POLR3E: variants seen among roughly 807,000 people sequenced by gnomAD.
POLR3E encodes the protein RNA polymerase III subunit E, also known as DNA-directed RNA polymerase III subunit RPC5.
Under a neutral mutation model 96.6 loss-of-function variants are expected in POLR3E, and 41 were observed. The observed-to-expected ratio is 0.42, with a 90% CI of 0.33 to 0.55. The LOEUF (loss-of-function observed/expected upper bound fraction) is 0.55, where lower values mean the gene tolerates loss of function less well. Among genes scored for constraint, POLR3E ranks in the 20% least tolerant of loss-of-function variants. The probability of loss-of-function intolerance (pLI) is 0.06; values close to 1 mark genes in which losing one functional copy is unlikely to be tolerated. For missense variants in POLR3E, 849 were observed against 952.1 expected, an observed-to-expected ratio of 0.89 and a Z score of 1.43; for synonymous variants, 396 against 383.6, an observed-to-expected ratio of 1.03 and a Z score of -0.38.
intron 20 of POLR3E, among the ~76,000 whole-genome samples, chr16:22,332,428 T>C (rs1277883974): frequency 1.3e-5 from 2 of 152,184 alleles, no homozygotes; most frequent in Non-Finnish European, 2.9e-5. Context: ...AGGGAAAGAA[T>C]ACAGCCATGG....
At chr16:22,303,076 A>G in intron 2 of POLR3E, 72 bp downstream of exon 2, 1 of 1,356,288 alleles carries the variant, frequency 7.4e-7, no homozygotes, top group Non-Finnish European at 1.1e-6. Flanking sequence ...ATGTGTCCTC[A>G]GGCCAGTCTG....
In POLR3E at chr16:22,324,671, T is replaced by C; in HGVS notation, c.1286+11T>C. 6.2e-7 allele frequency: 1 copy of C among 1,613,720 alleles called. No homozygotes were observed. Among genetic ancestry groups the C allele is most frequent in the Non-Finnish European group, 8.5e-7 (1 of 1,179,830 alleles). On this transcript the variant is annotated intron_variant, in intron 16 of 20. Coordinates refer to ENST00000299853, the MANE Select transcript of POLR3E (RefSeq NM_018119.4). ...GGGTATCCAGGCCAAGTAAGCACCCTGGGCCAGGGAGGGGCAGCCCGGTGA... is the reference window on the plus strand; with the variant it reads ...GGGTATCCAGGCCAAGTAAGCACCCCGGGCCAGGGAGGGGCAGCCCGGTGA...
Position 22,325,988 on chromosome 16 carries a change from C to G in POLR3E, c.1576C>G (p.Leu526Val). 6.3e-7 allele frequency: 1 copy of G among 1,594,542 alleles called. No homozygotes were observed. The highest frequency in any genetic ancestry group is 8.5e-7 in the Non-Finnish European group (1 of 1,169,910). The change falls in exon 18 of 21, where the codon CTC becomes GTC. Residue 526 changes from leucine to valine, a missense_variant. Leu to Val is a conservative substitution (Grantham distance 32). Coordinates refer to ENST00000299853, the MANE Select transcript of POLR3E (RefSeq NM_018119.4). ...GCCCATGGACACTTCCCCCAGCGGC[C>G]TCCACAGCAAGCTGGCCAACGGGCT... ...EEPMDTSPSG[L>V]HSKLANGLPL...
intron 13 of POLR3E, among the ~76,000 whole-genome samples, chr16:22,320,271 A>AT (rs1252980031): frequency 1.4e-3 from 207 of 149,118 alleles, no homozygotes; most frequent in East Asian, 4.5e-3. Context: ...GTGTATTTTT[A>AT]TTTTTTTTTT....
At chr16:22,298,424 A>C (rs978441572) in intron 1 of POLR3E, among the ~76,000 whole-genome samples, 1 of 152,224 alleles carries the variant, frequency 6.6e-6, no homozygotes, top group Non-Finnish European at 1.5e-5. Context: ...TACGTTTATT[A>C]GCGTCCTGTC....
At chr16:22,333,367 G>A (rs1035295874) in intron 20 of POLR3E, among the ~76,000 whole-genome samples, 2 of 150,822 alleles carry the variant, frequency 1.3e-5, no homozygotes, top group African/African-American at 2.4e-5. Context: ...CAGGAGAATC[G>A]CTTGAACCTG....
At chr16:22,306,074 C>A (rs1005734215) in intron 3 of POLR3E, among the ~76,000 whole-genome samples, 2 of 152,254 alleles carry the variant, frequency 1.3e-5, no homozygotes, top group East Asian at 1.9e-4. Flanking sequence ...CCCATTCCCA[C>A]CTCCAACCCC....
chr16:22,302,144 C>A (rs946540601), intron 1 of POLR3E, among the ~76,000 whole-genome samples: 3 of 152,026 alleles, frequency 2.0e-5, no homozygotes, highest in African/African-American at 7.3e-5. Context: ...CATGACTTGC[C>A]CAAAGCTCTC....
chr16:22,303,525 G>A (rs2048069045), intron 2 of POLR3E, among the ~76,000 whole-genome samples: 1 of 152,094 alleles, frequency 6.6e-6, no homozygotes, highest in Non-Finnish European at 1.5e-5. Flanking sequence ...TGTGCTGGGG[G>A]CTGTGACACA....
rs1237317371 is a variant in POLR3E at position 22,326,053 on chromosome 16, G to T, written c.1641G>T (p.Gly547=). The change falls in exon 18 of 21, where the codon GGG becomes GGT. Residue 547 remains glycine, a synonymous_variant. Transcript: ENST00000299853. ...GRAAGTDSFN[G]HPPQGCASTP... ...CTGCGGGCACAGACAGCTTCAACGGGCACCCGCCCCAGGGCTGCGCCAGCA... is the reference window on the plus strand; with the variant it reads ...CTGCGGGCACAGACAGCTTCAACGGTCACCCGCCCCAGGGCTGCGCCAGCA... 1 of 1,607,232 alleles carries T rather than the reference G, an allele frequency of 6.2e-7. No homozygotes were observed. Among genetic ancestry groups the T allele is most frequent in the Non-Finnish European group, 8.5e-7 (1 of 1,175,780 alleles).
At chr16:22,305,111 C>T (rs2048107134) in intron 2 of POLR3E, 45 bp from the exon 3 acceptor site, 1 of 1,523,080 alleles carries the variant, frequency 6.6e-7, no homozygotes, top group Non-Finnish European at 9.1e-7. Context: ...GGGAGGTCAG[C>T]ACTGTGTCCA....
chr16:22,325,198 T>C lies in POLR3E; in HGVS notation c.1287-7T>C. 1 of 1,610,376 alleles carries C rather than the reference T, an allele frequency of 6.2e-7. No homozygotes were observed. Among genetic ancestry groups the C allele is most frequent in the Non-Finnish European group, 8.5e-7 (1 of 1,176,644 alleles). On this transcript the variant is annotated splice_region_variant and splice_polypyrimidine_tract_variant and intron_variant, in intron 16 of 20. Transcript: ENST00000299853. ...TTTAAAGTTAATGGGGTTACTCTTCTTTTCAGACTGGAAAAAGTCTATAAT... is the reference window on the plus strand; with the variant it reads ...TTTAAAGTTAATGGGGTTACTCTTCCTTTCAGACTGGAAAAAGTCTATAAT...
At chr16:22,320,909 G>A (rs1446105048) in intron 13 of POLR3E, among the ~76,000 whole-genome samples, 4 of 152,156 alleles carry the variant, frequency 2.6e-5, no homozygotes, top group African/African-American at 9.7e-5. Flanking sequence ...TCCTTTGAAG[G>A]CAGCCTGCCT....
At chr16:22,307,062 G>C (rs770227520) in intron 3 of POLR3E, among the ~76,000 whole-genome samples, 1 of 152,162 alleles carries the variant, frequency 6.6e-6, no homozygotes, top group Non-Finnish European at 1.5e-5. Flanking sequence ...AGTGACCCCC[G>C]TGTGTCCAGA....
intron 20 of POLR3E, among the ~76,000 whole-genome samples, chr16:22,333,139 C>T (rs2048778085): frequency 6.7e-6 from 1 of 149,460 alleles, no homozygotes; most frequent in African/African-American, 2.4e-5. Context: ...CATGCCTGGC[C>T]CACCCTCACT....
chr16:22,297,772 C>G (rs2047925398), intron 1 of POLR3E, among the ~76,000 whole-genome samples: 1 of 152,228 alleles, frequency 6.6e-6, no homozygotes, highest in African/African-American at 2.4e-5. Flanking sequence ...CCGACGCTGG[C>G]GGCGGTGACT....
At chr16:22,323,493 T>G (rs2048512990) in intron 14 of POLR3E, among the ~76,000 whole-genome samples, 1 of 152,108 alleles carries the variant, frequency 6.6e-6, no homozygotes, top group Non-Finnish European at 1.5e-5. Context: ...CTAGGCTTGG[T>G]GCTGGCTGAA....
intron 9 of POLR3E, among the ~76,000 whole-genome samples, chr16:22,315,951 A>G (rs1485047660): frequency 6.6e-6 from 1 of 152,164 alleles, no homozygotes; most frequent in African/African-American, 2.4e-5. Context: ...TACAGGCGTG[A>G]GCCACGACCA....
chr16:22,314,015 G>A (rs2048302539), intron 7 of POLR3E, 64 bp from the exon 8 acceptor site: 2 of 1,409,334 alleles, frequency 1.4e-6, no homozygotes, highest in Non-Finnish European at 2.0e-6. Flanking sequence ...CCTGGCGGGT[G>A]GGGTTGAGAG....
Sources: allele counts gnomAD v4.1 joint callset (sites outside exome capture counted in the v4.1 genomes callset), GRCh38; gene constraint gnomAD v4.1.1; transcripts MANE v1.5; gene names NCBI Gene and HGNC (gene_info 2026-07-23, HGNC 2026-07-21).